Variants in NUP107 observed in about 807,000 individuals in gnomAD.
The protein encoded by NUP107 is nucleoporin 107, also known as nuclear pore complex protein Nup107.
A neutral mutation model predicts 141.0 loss-of-function variants in NUP107; 101 were observed. The ratio of observed to expected loss-of-function variants is 0.72; its 90% confidence interval spans 0.61 to 0.84. The LOEUF is 0.84. Among genes scored for constraint, NUP107 ranks in the 40% least tolerant of loss-of-function variants. NUP107 has a pLI of 0.00. For synonymous variants in NUP107, 319 were observed against 363.9 expected (o/e 0.88, Z 1.41); for missense variants, 941 against 1,102.7 (o/e 0.85, Z 2.08).
intron 26 of NUP107, among the ~76,000 whole-genome samples, chr12:68,738,262 G>A (rs187255635): frequency 5.1e-4 from 78 of 151,990 alleles, no homozygotes; most frequent in African/African-American, 1.8e-3. Context: ...GCAACAGAGC[G>A]AGACTCTGTC....
intron 20 of NUP107, among the ~76,000 whole-genome samples, chr12:68,728,216 G>C (rs2136040313): frequency 6.6e-6 from 1 of 150,904 alleles, no homozygotes; most frequent in South Asian, 2.1e-4. Context: ...GTGAGCCCAG[G>C]AGTTGGAGGT....
In NUP107 at chr12:68,743,926, C is replaced by T. The variant is rs1878418117; in HGVS notation, c.*1464C>T. 6.6e-6 allele frequency: 1 copy of T among 152,158 alleles called. No individual in the cohort carries two copies. The highest frequency in any genetic ancestry group is 3.4e-3 in the Middle Eastern group (1 of 294). 9.4% of individuals were successfully genotyped at this position (152,158 alleles called of 1,614,324 possible). On this transcript the variant is annotated 3_prime_UTR_variant, in exon 28 of 28. Transcript: ENST00000229179. ...TGCAGTCCTGTAATCATGATTATTG[C>T]TATGCTACTTTGCAAAAAATAAAAA...
chr12:68,703,412 CATATA>C (rs888351179), intron 8 of NUP107, among the ~76,000 whole-genome samples: 1 of 151,706 alleles, frequency 6.6e-6, no homozygotes, highest in Non-Finnish European at 1.5e-5. Context: ...TGTTTTTTAA[CATATA>C]ATATGATTTC....
At chr12:68,702,405 G>A (rs1489552263) in intron 7 of NUP107, among the ~76,000 whole-genome samples, 6 of 151,998 alleles carry the variant, frequency 3.9e-5, no homozygotes, top group Middle Eastern at 3.4e-3. Flanking sequence ...GATTACAAGC[G>A]TGACCCACCG....
Position 68,719,936 on chromosome 12 carries a change from T to C in NUP107, c.1251+282T>C, listed in dbSNP as rs1877284851. 1.3e-5 allele frequency among the ~76,000 whole-genome samples: 2 copies of C among 152,188 alleles called. 1 individual carries two copies. Among genetic ancestry groups the C allele is most frequent in the South Asian group, 4.1e-4 (2 of 4,832 alleles). ...GGCTTCCCTGAGGAAAGAATTGAATTGAACTTTTAAAACTTAGTAGGATTT... is the reference window on the plus strand; with the variant it reads ...GGCTTCCCTGAGGAAAGAATTGAATCGAACTTTTAAAACTTAGTAGGATTT... On this transcript the variant is annotated intron_variant, in intron 14 of 27. Coordinates refer to ENST00000229179, the MANE Select transcript of NUP107 (RefSeq NM_020401.4).
Position 68,731,175 on chromosome 12 carries a change from A to G in NUP107, c.1800A>G (p.Leu600=). The change falls in exon 21 of 28, where the codon CTA becomes CTG. Residue 600 remains leucine, a synonymous_variant. Coordinates refer to ENST00000229179, the MANE Select transcript of NUP107 (RefSeq NM_020401.4). ...ATACCTGTCATTTGCCTCAAGACCT[A>G]GCTGTTGCCCAGTATGCATTATTTT... ...AFYTCHLPQD[L]AVAQYALFLE... The G allele has an allele frequency of 6.2e-7, 1 of 1,611,960 alleles. No individual in the cohort carries two copies. Among genetic ancestry groups the G allele is most frequent in the Non-Finnish European group, 8.5e-7 (1 of 1,178,928 alleles).
chr12:68,730,481 AG>A, intron 20 of NUP107, among the ~76,000 whole-genome samples: 1 of 152,008 alleles, frequency 6.6e-6, no homozygotes, highest in East Asian at 1.9e-4. Context: ...AGCCTCCCAG[AG>A]TGCTGGGATT....
chr12:68,718,111 T>C (rs759532888), intron 12 of NUP107, among the ~76,000 whole-genome samples: 3 of 152,142 alleles, frequency 2.0e-5, no homozygotes, highest in Non-Finnish European at 4.4e-5. Flanking sequence ...GACCCATAGC[T>C]CAACCCTCCT....
intron 6 of NUP107, among the ~76,000 whole-genome samples, chr12:68,699,125 C>CT (rs929021118): frequency 2.0e-5 from 3 of 152,100 alleles, no homozygotes; most frequent in African/African-American, 7.2e-5. Flanking sequence ...AATCTCAGCA[C>CT]TTTGGGAGGC....
intron 12 of NUP107, among the ~76,000 whole-genome samples, chr12:68,716,288 AT>A (rs1351952495): frequency 7.0e-6 from 1 of 143,340 alleles, no homozygotes. Context: ...CTAGACTGGA[AT>A]GCAGTGATAT....
intron 26 of NUP107, among the ~76,000 whole-genome samples, chr12:68,736,694 G>A (rs1173182124): frequency 6.7e-6 from 1 of 149,180 alleles, no homozygotes; most frequent in Non-Finnish European, 1.5e-5. Flanking sequence ...TGCGATTACA[G>A]GCATGAGTCA....
At chr12:68,724,479 A>G (rs1406698977) in intron 17 of NUP107, among the ~76,000 whole-genome samples, 2 of 152,180 alleles carry the variant, frequency 1.3e-5, no homozygotes, top group South Asian at 4.1e-4. Flanking sequence ...TGGCAAGAGC[A>G]TTTTGAAAAA....
intron 5 of NUP107, among the ~76,000 whole-genome samples, chr12:68,694,674 G>C (rs769112720): frequency 1.3e-5 from 2 of 152,222 alleles, no homozygotes; most frequent in Non-Finnish European, 2.9e-5. Flanking sequence ...GGCTGACGCG[G>C]GTGGATCACC....
chr12:68,692,051 T>C lies in NUP107; in HGVS notation c.387T>C (p.Ser129=), dbSNP rs1050253295. 2.4e-5 allele frequency: 39 copies of C among 1,612,034 alleles called. No individual in the cohort carries two copies. In the Admixed American group the frequency reaches 5.4e-4, roughly 22 times the overall value. The change falls in exon 5 of 28, where the codon AGT becomes AGC. Residue 129 remains serine (S), a synonymous_variant. Transcript: ENST00000229179. ...TGTTCACAAACACAGAGCCCCACAG[T>C]ATAACAGAAGATGTAACTATCAGTG... ...SGLFTNTEPH[S]ITEDVTISAV...
At chr12:68,700,919 T>C (rs1159456907) in intron 7 of NUP107, 66 bp downstream of exon 7, 7 of 1,417,140 alleles carry the variant, frequency 4.9e-6, no homozygotes, top group Non-Finnish European at 5.6e-6. Context: ...CAAATTAATT[T>C]AAAAGTTAGG....
intron 17 of NUP107, among the ~76,000 whole-genome samples, chr12:68,725,485 T>TA (rs1450099478): frequency 2.0e-5 from 3 of 152,234 alleles, no homozygotes; most frequent in Non-Finnish European, 4.4e-5. Context: ...ATTAAATTGT[T>TA]ATAACATAGG....
intron 17 of NUP107, 79 bp from the exon 18 acceptor site, chr12:68,725,648 C>T: frequency 1.4e-6 from 1 of 732,862 alleles, no homozygotes; most frequent in Non-Finnish European, 2.3e-6. Flanking sequence ...AAAAGTTTAA[C>T]ATTTTTAGTT....
rs148902353 is a variant in NUP107, at chr12:68,738,766, T to C, written c.2503-3047T>C. On this transcript the variant is annotated intron_variant, in intron 26 of 27. Transcript: ENST00000229179. ...TTTCACTACCTCTACCTCTAGCACA[T>C]TCTAGTCCAAGCCTCTACTGTCTTC... Among the ~76,000 whole-genome samples, 370 of 152,292 alleles carry C rather than the reference T, an allele frequency of 2.4e-3. 2 individuals are homozygous for C. The highest frequency in any genetic ancestry group is 8.7e-3 in the African/African-American group (361 of 41,566).
chr12:68,711,085 C>T (rs990091788), intron 10 of NUP107, among the ~76,000 whole-genome samples: 8 of 151,758 alleles, frequency 5.3e-5, no homozygotes, highest in Non-Finnish European at 7.4e-5. Flanking sequence ...TAAAACCCAT[C>T]TCTACTAAAA....
Sources: allele counts gnomAD v4.1 joint callset (sites outside exome capture counted in the v4.1 genomes callset), GRCh38; gene constraint gnomAD v4.1.1; transcripts MANE v1.5; gene names NCBI Gene and HGNC (gene_info 2026-07-23, HGNC 2026-07-21).